CRTC1: variants seen among roughly 807,000 people sequenced by gnomAD.
CRTC1 encodes CREB-regulated transcription coactivator 1.
In CRTC1, 18 loss-of-function variants were observed where a neutral mutation model predicts 66.1. The ratio of observed to expected loss-of-function variants is 0.27; its 90% CI spans 0.19 to 0.40. CRTC1 has a LOEUF of 0.40. CRTC1 is among the 10% of genes least tolerant of loss of function. CRTC1 has a pLI of 1.00. For missense variants in CRTC1, 669 were observed against 887.9 expected (o/e 0.75, Z 3.13); for synonymous variants, 416 against 398.8 (o/e 1.04, Z -0.51).
At chr19:18,774,874 A>G (rs753644234) in intron 11 of CRTC1, 26 bp from the exon 12 acceptor site, 4 of 1,607,844 alleles carry the variant, frequency 2.5e-6, no homozygotes, top group Admixed American at 3.3e-5. Flanking sequence ...GGCCGTGACC[A>G]CAGCAGGCCT....
chr19:18,729,600 G>A (rs112961536), intron 1 of CRTC1, among the ~76,000 whole-genome samples: 3,666 of 151,998 alleles, frequency 0.024, 152 homozygotes, highest in African/African-American at 0.084. Context: ...AATTGGCTAA[G>A]CGTGTTGGCC....
intron 1 of CRTC1, among the ~76,000 whole-genome samples, chr19:18,716,687 A>T (rs2053516352): frequency 6.6e-6 from 1 of 152,198 alleles, no homozygotes; most frequent in Non-Finnish European, 1.5e-5. Flanking sequence ...TCTTTCCTGT[A>T]GAGCTGGAGT....
rs527408738 is a variant in CRTC1 at position 18,741,605 on chromosome 19, G to T, written c.127-1305G>T. 2.6e-5 allele frequency among the ~76,000 whole-genome samples: 4 copies of T among 152,256 alleles called. 1 individual carries two copies. The South Asian group carries it at 8.3e-4, about 32-fold the overall frequency. On this transcript the variant is annotated intron_variant, in intron 1 of 13. Transcript: ENST00000321949. This position sits in a 1 kb window ranked among gnomAD's most constrained non-coding sequence, Gnocchi z 4.2. ...ACACCCCCTCCCTCTGCCACAGCCC[G>T]GAGCTGGCCTGTTTCATCTGGTGTG...
intron 5 of CRTC1, among the ~76,000 whole-genome samples, chr19:18,753,169 G>A (rs1432011118): frequency 6.6e-6 from 1 of 151,964 alleles, no homozygotes. Context: ...CCAGCTACTT[G>A]GGAGGCTGAG....
At chr19:18,766,278 G>T (rs1350128659) in intron 9 of CRTC1, among the ~76,000 whole-genome samples, 1 of 145,338 alleles carries the variant, frequency 6.9e-6, no homozygotes, top group African/African-American at 2.6e-5. Context: ...GTGCTACCAT[G>T]CCTGGCTAAT....
chr19:18,702,600 C>T (rs2053170659), intron 1 of CRTC1, among the ~76,000 whole-genome samples: 1 of 145,314 alleles, frequency 6.9e-6, no homozygotes, highest in Non-Finnish European at 1.5e-5. Context: ...ATGGCACAAT[C>T]TTGCCTCACC....
At chr19:18,722,108 A>G (rs2053641953) in intron 1 of CRTC1, among the ~76,000 whole-genome samples, 1 of 152,232 alleles carries the variant, frequency 6.6e-6, no homozygotes, top group East Asian at 1.9e-4. Flanking sequence ...CCCCACACCT[A>G]TGCATCCGCT....
chr19:18,766,630 A>G (rs1568536811), intron 9 of CRTC1, among the ~76,000 whole-genome samples: 1 of 151,610 alleles, frequency 6.6e-6, no homozygotes. Flanking sequence ...AAATAATAAT[A>G]GAGATGGGGT....
chr19:18,697,580 G>A (rs1197470685), intron 1 of CRTC1, among the ~76,000 whole-genome samples: 1 of 152,200 alleles, frequency 6.6e-6, no homozygotes, highest in Non-Finnish European at 1.5e-5. Context: ...AAAATGCTGG[G>A]ATTACAGGCA....
intron 8 of CRTC1, among the ~76,000 whole-genome samples, chr19:18,761,272 C>T (rs774286256): frequency 7.2e-5 from 11 of 152,218 alleles, no homozygotes; most frequent in Non-Finnish European, 1.2e-4. Flanking sequence ...CTGTTGCCTG[C>T]GTCCCCATTG....
intron 1 of CRTC1, among the ~76,000 whole-genome samples, chr19:18,690,832 T>A (rs2052812622): frequency 6.6e-6 from 1 of 151,878 alleles, no homozygotes; most frequent in Non-Finnish European, 1.5e-5. Context: ...GAGACCATCC[T>A]GGCTAACATG....
intron 2 of CRTC1, 102 bp from the exon 3 acceptor site, chr19:18,745,721 G>T: frequency 6.8e-7 from 1 of 1,478,532 alleles, no homozygotes. Context: ...GTGCTCCAGA[G>T]TGGGGGGCCC....
At chr19:18,751,110 C>T (rs1256846729) in intron 5 of CRTC1, among the ~76,000 whole-genome samples, 1 of 152,250 alleles carries the variant, frequency 6.6e-6, no homozygotes, top group Non-Finnish European at 1.5e-5. Context: ...CTGGGGTTGG[C>T]CTGGCTGCCT....
chr19:18,738,790 G>A (rs1600893281), intron 1 of CRTC1, among the ~76,000 whole-genome samples: 3 of 152,006 alleles, frequency 2.0e-5, no homozygotes, highest in East Asian at 3.8e-4. Flanking sequence ...ACAAGAGGGA[G>A]ACTCCGTCTC....
chr19:18,706,541 C>T (rs2053270854), intron 1 of CRTC1, among the ~76,000 whole-genome samples: 1 of 152,066 alleles, frequency 6.6e-6, no homozygotes, highest in African/African-American at 2.4e-5. Flanking sequence ...ATGCCAGTAT[C>T]ACACTCTTTT....
chr19:18,696,640 G>A (rs1252139885), intron 1 of CRTC1, among the ~76,000 whole-genome samples: 1 of 152,134 alleles, frequency 6.6e-6, no homozygotes, highest in African/African-American at 2.4e-5. Context: ...ATGTTCATCT[G>A]TTGAGAAGCA....
intron 6 of CRTC1, among the ~76,000 whole-genome samples, chr19:18,757,150 TGCCCCAGG>T (rs1303731117): frequency 6.6e-6 from 1 of 152,190 alleles, no homozygotes; most frequent in East Asian, 1.9e-4. Flanking sequence ...CAGAAGTGTT[TGCCCCAGG>T]GCCCCAGGGG....
chr19:18,774,427 G>T (rs537686087), intron 11 of CRTC1, among the ~76,000 whole-genome samples: 1 of 152,342 alleles, frequency 6.6e-6, no homozygotes, highest in East Asian at 1.9e-4. Context: ...CTGGTGGCTG[G>T]CTCTGTGCGC....
intron 1 of CRTC1, among the ~76,000 whole-genome samples, chr19:18,698,211 T>C (rs1299734277): frequency 7.0e-6 from 1 of 142,888 alleles, no homozygotes; most frequent in Non-Finnish European, 1.5e-5. Context: ...CAGCAAGTGC[T>C]TAGTAGGTGC....
Sources: allele counts gnomAD v4.1 joint callset (sites outside exome capture counted in the v4.1 genomes callset), GRCh38; gene constraint gnomAD v4.1.1; non-coding constraint Gnocchi (gnomAD v3.1); transcripts MANE v1.5; gene names NCBI Gene and HGNC (gene_info 2026-07-23, HGNC 2026-07-21).